The following NDUFV3 variants were observed in gnomAD, a reference collection of about 807,000 sequenced individuals.
NDUFV3 encodes the protein NADH dehydrogenase [ubiquinone] flavoprotein 3, mitochondrial.
In NDUFV3, 44 loss-of-function variants were observed where a neutral mutation model predicts 37.5. The observed-to-expected ratio is 1.17, with a 90% CI of 0.92 to 1.51. The LOEUF (loss-of-function observed/expected upper bound fraction) is 1.51. Among genes scored for constraint, NDUFV3 ranks in the 40% most tolerant of loss-of-function variants. The pLI, the probability that NDUFV3 is intolerant of heterozygous loss-of-function variation, is 0.00. For missense variants in NDUFV3, 580 were observed against 580.4 expected (o/e 1.00, Z 0.01); for synonymous variants, 235 against 239.3 (o/e 0.98, Z 0.17).
chr21:42,897,182 A>T, intron 2 of NDUFV3, 135 bp downstream of exon 2: 1 of 975,938 alleles, frequency 1.0e-6, no homozygotes, highest in Admixed American at 2.0e-5. Flanking sequence ...TCCAGATTAT[A>T]CAAGACACAA....
intron 3 of NDUFV3, among the ~76,000 whole-genome samples, chr21:42,905,081 GC>G (rs2146162637): frequency 6.6e-6 from 1 of 152,222 alleles, no homozygotes; most frequent in Admixed American, 6.5e-5. Flanking sequence ...GAGCCACCGT[GC>G]CCGGCCCCCA....
intron 3 of NDUFV3, among the ~76,000 whole-genome samples, chr21:42,905,871 T>C (rs1295783801): frequency 3.3e-5 from 5 of 151,042 alleles, no homozygotes; most frequent in Non-Finnish European, 5.9e-5. Flanking sequence ...CCATTTTTTT[T>C]TTTTTTTTTG....
At chr21:42,908,278 A>G (rs900455771) in intron 3 of NDUFV3, among the ~76,000 whole-genome samples, 13 of 152,014 alleles carry the variant, frequency 8.6e-5, no homozygotes, top group African/African-American at 3.1e-4. Flanking sequence ...GCTGCACTCC[A>G]GCCTAGACAA....
intron 2 of NDUFV3, among the ~76,000 whole-genome samples, chr21:42,897,886 C>T (rs952004040): frequency 4.6e-5 from 7 of 151,916 alleles, no homozygotes; most frequent in East Asian, 1.9e-4. Context: ...CCATGTTAGC[C>T]GGGATGGTCT....
intron 2 of NDUFV3, among the ~76,000 whole-genome samples, chr21:42,899,808 G>C (rs539619286): frequency 6.7e-6 from 1 of 150,144 alleles, no homozygotes; most frequent in Non-Finnish European, 1.5e-5. Flanking sequence ...TTGAACTCCC[G>C]ACCTCAGATG....
intron 1 of NDUFV3, 66 bp from the exon 2 acceptor site, chr21:42,896,861 A>G: frequency 6.7e-7 from 1 of 1,492,726 alleles, no homozygotes; most frequent in Non-Finnish European, 9.3e-7. Context: ...ATATATATTC[A>G]TATATAGTAC....
intron 1 of NDUFV3, among the ~76,000 whole-genome samples, chr21:42,894,527 A>T (rs1308943555): frequency 2.2e-5 from 2 of 92,202 alleles, no homozygotes; most frequent in Non-Finnish European, 4.0e-5. Flanking sequence ...ATTATATATA[A>T]TATATATCAT....
chr21:42,900,780 C>A (rs896747000), intron 2 of NDUFV3, among the ~76,000 whole-genome samples: 2 of 152,190 alleles, frequency 1.3e-5, no homozygotes, highest in African/African-American at 2.4e-5. Flanking sequence ...CAGGACAAGA[C>A]CCTGGCGCGA....
chr21:42,909,011 C>T lies in NDUFV3; in HGVS notation c.1412C>T (p.Pro471Leu), dbSNP rs2058755583. Residue 471 changes from proline (P) to leucine (L), a missense_variant, in exon 4 of 4, where the codon CCT becomes CTT. By Grantham distance (98) the Pro-to-Leu change is moderately conservative (BLOSUM62 -3). Coordinates refer to ENST00000354250, the MANE Select transcript of NDUFV3 (RefSeq NM_021075.4). ...MPQPSSGRES[P>L]RH Reference sequence around the variant, plus strand: ...CAGCCCTCCTCAGGCCGGGAGTCACCTCGACACTGAGGGCCCTCGGTGTGA... The same window carrying T: ...CAGCCCTCCTCAGGCCGGGAGTCACTTCGACACTGAGGGCCCTCGGTGTGA... 3.7e-6 allele frequency: 6 copies of T among 1,613,692 alleles called. No individual in the cohort carries two copies. The East Asian group carries it at 1.3e-4, about 36-fold the overall frequency.
In NDUFV3 at chr21:42,897,716, G is replaced by A. The variant is rs1212998677; in HGVS notation, c.169+669G>A. Among the ~76,000 whole-genome samples, 4 of 151,456 alleles carry A rather than the reference G, an allele frequency of 2.6e-5. No homozygotes were observed. In the East Asian group the frequency reaches 5.8e-4, roughly 22 times the overall value. On this transcript the variant is annotated intron_variant, in intron 2 of 3. Transcript: ENST00000354250. ...TTTTGAGATGGAGTCCTGCTCTGTT[G>A]CCCCTGCTGGAGTGCAGTGGCGCAA...
chr21:42,904,957 A>G (rs2058735249), intron 3 of NDUFV3, among the ~76,000 whole-genome samples: 2 of 146,666 alleles, frequency 1.4e-5, no homozygotes, highest in Non-Finnish European at 3.0e-5. Flanking sequence ...TGTCCAGCTA[A>G]TTTTTGTATT....
At chr21:42,896,802 G>A in intron 1 of NDUFV3, 125 bp from the exon 2 acceptor site, 4 of 941,852 alleles carry the variant, frequency 4.2e-6, no homozygotes, top group Non-Finnish European at 6.2e-6. Flanking sequence ...TTGTGCCACT[G>A]CACTCCAGCC....
intron 2 of NDUFV3, among the ~76,000 whole-genome samples, chr21:42,899,277 G>GTATTTTTTTTTT (rs367688123): frequency 0.49 from 69,200 of 140,436 alleles, 18,175 homozygotes; most frequent in African/African-American, 0.59. Flanking sequence ...GTTGTATCTT[G>GTATTTTTTTTTT]TTTTTTTTTG....
chr21:42,899,651 G>A (rs1393955616), intron 2 of NDUFV3, among the ~76,000 whole-genome samples: 3 of 152,132 alleles, frequency 2.0e-5, no homozygotes, highest in Non-Finnish European at 2.9e-5. Context: ...CACCATGTTG[G>A]CCAGGTTGGT....
intron 2 of NDUFV3, among the ~76,000 whole-genome samples, chr21:42,898,426 G>A (rs772693288): frequency 9.9e-5 from 15 of 152,248 alleles, no homozygotes; most frequent in Non-Finnish European, 1.8e-4. Flanking sequence ...GAGACTACAG[G>A]CACATACCAC....
At position 42,896,822 on chromosome 21, in the gene NDUFV3, G is replaced by C. The variant is rs1026642676; in HGVS notation, c.49-105G>C. 67 of 1,216,178 alleles carry C rather than the reference G, an allele frequency of 5.5e-5. No homozygotes were observed. The East Asian group carries it at 1.9e-3, about 34-fold the overall frequency. 75.3% of individuals were successfully genotyped at this position (1,216,178 alleles called of 1,614,324 possible). A position where few individuals can be genotyped will look rare whatever the true frequency, so the allele number is the denominator to read the frequency against. ...CCACTGCACTCCAGCCTGGACGACT[G>C]AGAGAGACCCCTGACTCAAAAAATA... On this transcript the variant is annotated intron_variant, in intron 1 of 3. Coordinates refer to ENST00000354250, the MANE Select transcript of NDUFV3 (RefSeq NM_021075.4).
intron 1 of NDUFV3, among the ~76,000 whole-genome samples, chr21:42,896,330 G>A (rs1325841810): frequency 1.3e-5 from 2 of 151,744 alleles, no homozygotes; most frequent in African/African-American, 4.8e-5. Context: ...CTAATTTTTT[G>A]TATTTTTAGT....
rs1299263797 is a variant in NDUFV3, at chr21:42,893,412, G to C, written c.48+31G>C. On this transcript the variant is annotated intron_variant, in intron 1 of 3. Transcript: ENST00000354250. ...GGAGGAGCCAGCCTGGGCTGGCTGC[G>C]CGGCCCCGAGCCTACGTAGGGGATG... 3.3e-6 allele frequency: 5 copies of C among 1,534,320 alleles called. No individual in the cohort carries two copies. The East Asian group carries it at 1.2e-4, about 38-fold the overall frequency.
intron 2 of NDUFV3, 32 bp downstream of exon 2, chr21:42,897,079 AG>A: frequency 6.2e-7 from 1 of 1,611,850 alleles, no homozygotes; most frequent in Non-Finnish European, 8.5e-7. Context: ...TAAGGGAAAG[AG>A]AATGCAAAAA....
Sources: allele counts gnomAD v4.1 joint callset (sites outside exome capture counted in the v4.1 genomes callset), GRCh38; gene constraint gnomAD v4.1.1; transcripts MANE v1.5; gene names NCBI Gene and HGNC (gene_info 2026-07-23, HGNC 2026-07-21).